The following CEP112 variants were observed in gnomAD, a reference collection of about 807,000 sequenced individuals.
CEP112 encodes the protein centrosomal protein of 112 kDa.
Under a neutral mutation model 153.0 loss-of-function variants are expected in CEP112, and 127 were observed. The ratio of observed to expected loss-of-function variants is 0.83; its 90% CI spans 0.72 to 0.96. The LOEUF is 0.96. Ranked by LOEUF, CEP112 falls within the 40% of genes least tolerant of loss-of-function variation. The pLI is 0.00. For missense variants in CEP112, 1,089 were observed against 1,101.2 expected, an observed-to-expected ratio of 0.99 and a Z score of 0.16; for synonymous variants, 358 against 374.4, an observed-to-expected ratio of 0.96 and a Z score of 0.51.
At chr17:65,672,858 A>G (rs992937716) in intron 24 of CEP112, among the ~76,000 whole-genome samples, 3 of 152,238 alleles carry the variant, frequency 2.0e-5, no homozygotes, top group African/African-American at 7.2e-5. Flanking sequence ...AAAAAATGGG[A>G]GAAATATATC....
chr17:66,173,431 A>G (rs563189198), intron 4 of CEP112, among the ~76,000 whole-genome samples: 2 of 152,364 alleles, frequency 1.3e-5, no homozygotes, highest in East Asian at 3.9e-4. Context: ...AGTCCAACCA[A>G]GCAAATCTAC....
At chr17:65,679,415 C>A (rs532756727) in intron 24 of CEP112, among the ~76,000 whole-genome samples, 1 of 152,122 alleles carries the variant, frequency 6.6e-6, no homozygotes, top group South Asian at 2.1e-4. Context: ...CAATAAAAGT[C>A]TTTGAATTAC....
At chr17:66,141,427 CACA>C (rs1352666702) in intron 4 of CEP112, among the ~76,000 whole-genome samples, 3 of 149,412 alleles carry the variant, frequency 2.0e-5, no homozygotes, top group Non-Finnish European at 1.5e-5. Flanking sequence ...GGTAAAAATA[CACA>C]ACATGAGATC....
At chr17:65,871,026 A>T (rs1007319607) in intron 20 of CEP112, among the ~76,000 whole-genome samples, 5 of 152,196 alleles carry the variant, frequency 3.3e-5, no homozygotes, top group African/African-American at 1.2e-4. Context: ...TAAGGTTGCA[A>T]CCACCCACCC....
chr17:65,961,689 C>G (rs570436036), intron 17 of CEP112, 91 bp from the exon 18 acceptor site: 1 of 1,218,980 alleles, frequency 8.2e-7, no homozygotes, highest in Admixed American at 2.5e-5. Flanking sequence ...AAAATAAAAT[C>G]CAGATTTTAA....
intron 6 of CEP112, among the ~76,000 whole-genome samples, chr17:66,122,493 T>C (rs1418810005): frequency 6.6e-6 from 1 of 152,210 alleles, no homozygotes; most frequent in Non-Finnish European, 1.5e-5. Context: ...GGCTAGACTA[T>C]TTCATAAAGT....
intron 24 of CEP112, among the ~76,000 whole-genome samples, chr17:65,680,205 A>G (rs1424087209): frequency 6.6e-6 from 1 of 152,180 alleles, no homozygotes; most frequent in Admixed American, 6.5e-5. Context: ...ATGTCTGAGG[A>G]ATAGCTGAGG....
intron 12 of CEP112, among the ~76,000 whole-genome samples, chr17:66,053,394 G>A (rs1269844473): frequency 6.6e-6 from 1 of 151,946 alleles, no homozygotes; most frequent in Non-Finnish European, 1.5e-5. Flanking sequence ...CAGCTACTCA[G>A]GAGGATAGTT....
intron 4 of CEP112, among the ~76,000 whole-genome samples, chr17:66,149,689 T>C (rs982605908): frequency 6.6e-6 from 1 of 151,824 alleles, no homozygotes; most frequent in African/African-American, 2.4e-5. Context: ...TAATGAGTCT[T>C]GTTTCTTTTT....
intron 23 of CEP112, among the ~76,000 whole-genome samples, chr17:65,723,149 A>T (rs2049989437): frequency 6.6e-6 from 1 of 152,210 alleles, no homozygotes; most frequent in African/African-American, 2.4e-5. Flanking sequence ...TCAAACAGGG[A>T]GCCCAAACTG....
intron 21 of CEP112, among the ~76,000 whole-genome samples, chr17:65,845,894 ATC>A (rs1723504658): frequency 6.6e-6 from 1 of 152,196 alleles, no homozygotes; most frequent in African/African-American, 2.4e-5. Context: ...TTAACTCAAA[ATC>A]ATTGAAGATA....
intron 23 of CEP112, among the ~76,000 whole-genome samples, chr17:65,713,041 C>A (rs929142028): frequency 3.3e-5 from 5 of 152,226 alleles, no homozygotes; most frequent in Non-Finnish European, 7.3e-5. Context: ...ACACTGACAA[C>A]TGAAACCACA....
chr17:66,073,396 G>C (rs2067371282), intron 8 of CEP112, among the ~76,000 whole-genome samples: 1 of 152,204 alleles, frequency 6.6e-6, no homozygotes, highest in Non-Finnish European at 1.5e-5. Context: ...CTTAAATGCA[G>C]GGTACTAAAA....
intron 21 of CEP112, among the ~76,000 whole-genome samples, chr17:65,832,646 G>C (rs1054812828): frequency 6.6e-6 from 1 of 150,738 alleles, no homozygotes; most frequent in African/African-American, 2.5e-5. Flanking sequence ...TGCCAAGGCT[G>C]AACAAGGAAG....
intron 23 of CEP112, among the ~76,000 whole-genome samples, chr17:65,740,939 T>C (rs185345924): frequency 3.3e-5 from 5 of 152,334 alleles, no homozygotes; most frequent in East Asian, 1.9e-4. Context: ...TAGGTTCATT[T>C]TGGCACTTGG....
chr17:65,927,904 A>C (rs1269510244), intron 18 of CEP112, among the ~76,000 whole-genome samples: 1 of 152,202 alleles, frequency 6.6e-6, no homozygotes, highest in Non-Finnish European at 1.5e-5. Context: ...ATAATTGACT[A>C]AATTCTAAAA....
chr17:65,997,277 A>G (rs1262941198), intron 17 of CEP112, among the ~76,000 whole-genome samples: 2 of 152,200 alleles, frequency 1.3e-5, no homozygotes, highest in African/African-American at 4.8e-5. Context: ...ATAATCCATA[A>G]GCCTCCTAAC....
chr17:66,068,923 A>G (rs2067215029), intron 9 of CEP112, among the ~76,000 whole-genome samples: 1 of 152,078 alleles, frequency 6.6e-6, no homozygotes, highest in Non-Finnish European at 1.5e-5. Flanking sequence ...AATTTAAACT[A>G]AAGTAAAACT....
intron 20 of CEP112, among the ~76,000 whole-genome samples, chr17:65,888,996 A>G (rs1355982723): frequency 6.6e-6 from 1 of 152,102 alleles, no homozygotes; most frequent in Non-Finnish European, 1.5e-5. Flanking sequence ...CTGCCAGTTA[A>G]TCCCTGCTTC....
Sources: allele counts gnomAD v4.1 joint callset (sites outside exome capture counted in the v4.1 genomes callset), GRCh38; gene constraint gnomAD v4.1.1; transcripts MANE v1.5; gene names NCBI Gene and HGNC (gene_info 2026-07-23, HGNC 2026-07-21).